CABLES2: variants seen among roughly 807,000 people sequenced by gnomAD.
The protein encoded by CABLES2 is CDK5 and ABL1 enzyme substrate 2.
CABLES2 carries 35 observed loss-of-function variants against 44.8 expected under a neutral mutation model. The ratio of observed to expected loss-of-function variants is 0.78; its 90% CI spans 0.60 to 1.04. CABLES2 has a LOEUF of 1.04. Ranked by LOEUF, CABLES2 falls within the 50% of genes least tolerant of loss-of-function variation. CABLES2 has a pLI of 0.00. For synonymous variants in CABLES2, 282 were observed against 281.1 expected (o/e 1.00, Z -0.03); for missense variants, 566 against 615.7 (o/e 0.92, Z 0.85).
intron 1 of CABLES2, among the ~76,000 whole-genome samples, chr20:62,397,502 C>T (rs1988041276): frequency 1.3e-5 from 2 of 152,196 alleles, no homozygotes; most frequent in South Asian, 4.1e-4. Context: ...TTGAAGACCC[C>T]TCAGGGCACA....
At chr20:62,393,659 A>C in intron 5 of CABLES2, 54 bp from the exon 6 acceptor site, 2 of 1,510,842 alleles carry the variant, frequency 1.3e-6, no homozygotes. Context: ...CCAGAGGGCA[A>C]AGTGAGCTCC....
intron 1 of CABLES2, among the ~76,000 whole-genome samples, chr20:62,398,077 T>TGGTGAC (rs1433351710): frequency 0.068 from 2,247 of 33,024 alleles, 184 homozygotes; most frequent in African/African-American, 0.27. Context: ...GTGACGGTGG[T>TGGTGAC]GGTGGTGGTG....
intron 3 of CABLES2, 40 bp from the exon 4 acceptor site, chr20:62,395,054 C>G (rs200844164): frequency 3.9e-6 from 6 of 1,519,994 alleles, no homozygotes; most frequent in Non-Finnish European, 5.5e-6. Flanking sequence ...GGCCGGGGAG[C>G]GGGGCTCAAG....
At position 62,394,973 on chromosome 20, in the gene CABLES2, A is replaced by C. The variant is rs1196307487; in HGVS notation, c.569T>G (p.Phe190Cys). 3.1e-6 allele frequency: 5 copies of C among 1,612,868 alleles called. No homozygotes were observed. The Admixed American group carries it at 8.3e-5, about 27-fold the overall frequency. The change falls in exon 4 of 10, where the codon TTC becomes TGC. Residue 190 changes from phenylalanine to cysteine, a missense_variant. Phe to Cys is a radical substitution (Grantham distance 205, BLOSUM62 -2). This residue lies in a region of CABLES2 where 436 missense variants were observed against 536.3 expected (regional missense o/e 0.81). Transcript: ENST00000279101. ...GCCTTCCCCATAGGGCAGGACCGAG[A>C]AGGCCGCGCACAGGGACCGCTTGGC... ...ICAKRSLCAA[F>C]SVLPYGEGLR... is the part of the protein sequence containing the mutation.
Position 62,394,218 on chromosome 20 carries a change from A to C in CABLES2, c.653T>G (p.Val218Gly). 6.2e-7 allele frequency: 1 copy of C among 1,613,502 alleles called. No individual in the cohort carries two copies. ...SQKQRHPSGG[V>G]SVSSEMVFEL... ...AAAGACCATCTCGGAAGACACAGAG[A>C]CGCCGCCGGACGGGTGCCTCTGCTT... The change falls in exon 5 of 10, where the codon GTC becomes GGC. Residue 218 changes from valine to glycine, a missense_variant. Around this residue, in one of 2 missense-constraint regions of CABLES2, gnomAD observed 436 missense variants for 536.3 expected, o/e 0.81. Coordinates refer to ENST00000279101, the MANE Select transcript of CABLES2 (RefSeq NM_031215.3).
chr20:62,391,261 C>T lies in CABLES2; in HGVS notation c.1284G>A (p.Thr428=), dbSNP rs769474260. The T allele has an allele frequency of 6.2e-7, 1 of 1,609,334 alleles. No individual in the cohort carries two copies. Among genetic ancestry groups the T allele is most frequent in the Non-Finnish European group, 8.5e-7 (1 of 1,177,498 alleles). ...ISSDLRKSGV[T]QLIDKLEERF... is the part of the protein sequence containing the mutation. ...GCCGGGCACTCACATCGATGAGCTG[C>T]GTCACGCCGCTCTTGCGCAGGTCAC... The change falls in exon 9 of 10, where the codon ACG becomes ACA. Residue 428 remains threonine (T), a synonymous_variant. Transcript: ENST00000279101. This position sits in a 1 kb window ranked among gnomAD's most constrained non-coding sequence, Gnocchi z 5.7.
At position 62,401,666 on chromosome 20, in the gene CABLES2, C is replaced by A. The variant is rs947137524; in HGVS notation, c.363-5074G>T. Reference sequence around the variant, plus strand: ...CGCAATCAGGGGACGGCATGCACAGCATGCTGCAGGTGCACACAGACGCCA... The same window carrying A: ...CGCAATCAGGGGACGGCATGCACAGAATGCTGCAGGTGCACACAGACGCCA... On this transcript the variant is annotated intron_variant, in intron 1 of 9. Transcript: ENST00000279101. 4.6e-5 allele frequency among the ~76,000 whole-genome samples: 7 copies of A among 152,344 alleles called. No homozygotes were observed. In the South Asian group the frequency reaches 1.4e-3, roughly 32 times the overall value.
chr20:62,394,411 A>G, intron 4 of CABLES2, 146 bp from the exon 5 acceptor site: 1 of 641,928 alleles, frequency 1.6e-6, no homozygotes. Context: ...TGGTGTGACC[A>G]GGAAGGCGCA....
rs1386119844 is a variant in CABLES2, at chr20:62,390,000, T to A, written c.*971A>T. Reference sequence around the variant, plus strand: ...TGGTCAGTGCCCTCCTGCCTGAGGGTCAAGTGTGTTTTCAAGTCAACTTCA... The same window carrying A: ...TGGTCAGTGCCCTCCTGCCTGAGGGACAAGTGTGTTTTCAAGTCAACTTCA... On this transcript the variant is annotated 3_prime_UTR_variant, in exon 10 of 10. Transcript: ENST00000279101. The A allele has an allele frequency of 6.6e-6, 1 of 152,084 alleles. No homozygotes were observed. The highest frequency in any genetic ancestry group is 1.5e-5 in the Non-Finnish European group (1 of 68,000). The allele number at this position is 152,084 out of a possible 1,614,324, so 9.4% of individuals were successfully genotyped here. A position where few individuals can be genotyped will look rare whatever the true frequency, so the allele number is the denominator to read the frequency against.
Position 62,396,731 on chromosome 20 carries a change from A to G in CABLES2, c.363-139T>C. The G allele has an allele frequency of 1.2e-6, 1 of 838,812 alleles. No individual in the cohort carries two copies. Among genetic ancestry groups the G allele is most frequent in the Non-Finnish European group, 1.9e-6 (1 of 528,842 alleles). The allele number at this position is 838,812 out of a possible 1,614,324, so 52.0% of individuals were successfully genotyped here. On this transcript the variant is annotated intron_variant, in intron 1 of 9. Coordinates refer to ENST00000279101, the MANE Select transcript of CABLES2 (RefSeq NM_031215.3). The surrounding 1 kb of genome is among the most constrained non-coding windows in gnomAD (Gnocchi z 5.7). Reference sequence around the variant, plus strand: ...CGCACCCATGGGCCGAGGGGCTTCCAGAGCCCATGCAGACTGAGGCGGGGA... The same window carrying G: ...CGCACCCATGGGCCGAGGGGCTTCCGGAGCCCATGCAGACTGAGGCGGGGA...
rs140184535 is a variant in CABLES2 at position 62,392,445 on chromosome 20, G to A, written c.1035C>T (p.Asn345=). The change falls in exon 8 of 10, where the codon AAC becomes AAT. Residue 345 remains asparagine, a synonymous_variant. Transcript: ENST00000279101. ...GGGGGAACTTCTCCCTGAAGGTCTC[G>A]TTCATGTCCTTTTTGAGGTCTGAGG... ...VKPSDLKKDM[N]ETFREKFPHV... is the part of the protein sequence containing the mutation. The A allele has an allele frequency of 9.3e-6, 15 of 1,614,084 alleles. No individual in the cohort carries two copies. Among genetic ancestry groups the A allele is most frequent in the South Asian group, 5.5e-5 (5 of 91,084 alleles).
At position 62,396,060 on chromosome 20, in the gene CABLES2, T is replaced by C. The variant is rs1365826130; in HGVS notation, c.527+255A>G. 6.6e-6 allele frequency among the ~76,000 whole-genome samples: 1 copy of C among 152,234 alleles called. No individual in the cohort carries two copies. Among genetic ancestry groups the C allele is most frequent in the Non-Finnish European group, 1.5e-5 (1 of 68,036 alleles). Reference sequence around the variant, plus strand: ...TCACGTCAGCACTGTTGCTGGAGGCTAGTGTCCACGTGTGACCCTTCACCT... The same window carrying C: ...TCACGTCAGCACTGTTGCTGGAGGCCAGTGTCCACGTGTGACCCTTCACCT... On this transcript the variant is annotated intron_variant, in intron 3 of 9. Coordinates refer to ENST00000279101, the MANE Select transcript of CABLES2 (RefSeq NM_031215.3). The surrounding 1 kb of genome is among the most constrained non-coding windows in gnomAD (Gnocchi z 5.7).
intron 1 of CABLES2, among the ~76,000 whole-genome samples, chr20:62,400,339 C>T (rs540385272): frequency 6.6e-6 from 1 of 152,166 alleles, no homozygotes; most frequent in Admixed American, 6.5e-5. Context: ...AGGGGCAGAG[C>T]ACCCAGCTGC....
chr20:62,390,563 C>T lies in CABLES2; in HGVS notation c.*408G>A, dbSNP rs1601470397. 4.8e-6 allele frequency: 1 copy of T among 209,236 alleles called. No homozygotes were observed. The highest frequency in any genetic ancestry group is 9.9e-6 in the Non-Finnish European group (1 of 101,404). The allele number at this position is 209,236 out of a possible 1,614,324, so 13.0% of individuals were successfully genotyped here. A position where few individuals can be genotyped will look rare whatever the true frequency, so the allele number is the denominator to read the frequency against. ...TTCAGTGAGGTCTAGAAACCCAGAT[C>T]TCCACCCTGACGCTGTGGTGGCTGC... On this transcript the variant is annotated 3_prime_UTR_variant, in exon 10 of 10. Transcript: ENST00000279101.
In CABLES2 at chr20:62,398,297, A is replaced by G. The variant is rs1405672326; in HGVS notation, c.363-1705T>C. ...GGTGGTGGTGGTGGTGATGGTGGCG[A>G]TGGTGATGACGGTGGTGATGGCAGT... On this transcript the variant is annotated intron_variant, in intron 1 of 9. Transcript: ENST00000279101. 4.7e-4 allele frequency among the ~76,000 whole-genome samples: 47 copies of G among 99,676 alleles called. 1 individual carries two copies. In the South Asian group the frequency reaches 5.6e-3, roughly 12 times the overall value. 65.4% of individuals were successfully genotyped at this position (99,676 alleles called of 152,430 possible).
At position 62,393,507 on chromosome 20, in the gene CABLES2, G is replaced by A; in HGVS notation, c.813C>T (p.Pro271=). 1 of 1,613,634 alleles carries A rather than the reference G, an allele frequency of 6.2e-7. No individual in the cohort carries two copies. The highest frequency in any genetic ancestry group is 1.3e-5 in the African/African-American group (1 of 75,050). ...TATGTCTTGACCCTGGCAGAGTCCG[G>A]GGGACACTGGGCCGAGGTGTGGGCA... ...GLLPTPRPSV[P]RTLPGSRHKP... The change falls in exon 6 of 10, where the codon CCC becomes CCT. Residue 271 remains proline, a synonymous_variant. Transcript: ENST00000279101.
chr20:62,401,082 G>A (rs1204261417), intron 1 of CABLES2, among the ~76,000 whole-genome samples: 1 of 152,204 alleles, frequency 6.6e-6, no homozygotes, highest in Non-Finnish European at 1.5e-5. Context: ...CACGTGGACG[G>A]CCGGGCTCTG....
At position 62,396,660 on chromosome 20, in the gene CABLES2, G is replaced by A. The variant is rs1486183972; in HGVS notation, c.363-68C>T. 9.4e-6 allele frequency: 14 copies of A among 1,494,800 alleles called. No homozygotes were observed. Among genetic ancestry groups the A allele is most frequent in the East Asian group, 4.8e-5 (2 of 41,512 alleles). 92.6% of individuals were successfully genotyped at this position (1,494,800 alleles called of 1,614,324 possible). A position where few individuals can be genotyped will look rare whatever the true frequency, so the allele number is the denominator to read the frequency against. The stretch of plus-strand genomic sequence containing the variant: ...GGTGCCGCCTTTGTGGCCAGAAACC[G>A]AGTGCCGCCCGCTGTGCAGGGAAGG... On this transcript the variant is annotated intron_variant, in intron 1 of 9. Transcript: ENST00000279101. The surrounding 1 kb of genome is among the most constrained non-coding windows in gnomAD (Gnocchi z 5.7).
At chr20:62,394,878 C>T in intron 4 of CABLES2, 59 bp downstream of exon 4, 4 of 1,526,886 alleles carry the variant, frequency 2.6e-6, no homozygotes, top group Non-Finnish European at 3.6e-6. Flanking sequence ...CTGGCCGAGA[C>T]CAGGCCTTGC....
Sources: allele counts gnomAD v4.1 joint callset (sites outside exome capture counted in the v4.1 genomes callset), GRCh38; gene constraint gnomAD v4.1.1; regional missense constraint gnomAD v4.1.1; non-coding constraint Gnocchi (gnomAD v3.1); transcripts MANE v1.5; gene names NCBI Gene and HGNC (gene_info 2026-07-23, HGNC 2026-07-21).